Variants in KCNH7 observed in about 807,000 individuals in gnomAD.
KCNH7 encodes potassium voltage-gated channel subfamily H member 7, also known as voltage-gated inwardly rectifying potassium channel KCNH7.
KCNH7 carries 49 observed loss-of-function variants against 120.8 expected under a neutral mutation model. The ratio of observed to expected loss-of-function variants is 0.41; its 90% confidence interval spans 0.32 to 0.51. KCNH7 has a LOEUF of 0.51. Ranked by LOEUF, KCNH7 falls within the 20% of genes least tolerant of loss-of-function variation. KCNH7 has a pLI of 0.38. For missense variants in KCNH7, 1,097 were observed against 1,446.6 expected (o/e 0.76, Z 3.92); for synonymous variants, 547 against 516.1 (o/e 1.06, Z -0.81).
chr2:162,425,933 G>A (rs1211113320), intron 8 of KCNH7, among the ~76,000 whole-genome samples: 2 of 152,086 alleles, frequency 1.3e-5, no homozygotes, highest in Non-Finnish European at 2.9e-5. Context: ...CTAATTTATG[G>A]TCAGGCGCGG....
chr2:162,613,709 T>C (rs1023033500), intron 2 of KCNH7, among the ~76,000 whole-genome samples: 3 of 152,018 alleles, frequency 2.0e-5, no homozygotes, highest in Admixed American at 6.6e-5. Flanking sequence ...GATTAAAATT[T>C]AGATAATCCG....
intron 14 of KCNH7, among the ~76,000 whole-genome samples, chr2:162,376,596 T>C (rs1188597643): frequency 6.6e-6 from 1 of 152,074 alleles, no homozygotes; most frequent in Admixed American, 6.6e-5. Flanking sequence ...ACTCCTGACC[T>C]TGTGATCTAC....
intron 2 of KCNH7, among the ~76,000 whole-genome samples, chr2:162,541,254 A>T (rs1692292696): frequency 6.6e-6 from 1 of 152,134 alleles, no homozygotes; most frequent in African/African-American, 2.4e-5. Context: ...TGGATTACGT[A>T]TAAGGACTGG....
intron 6 of KCNH7, among the ~76,000 whole-genome samples, chr2:162,491,105 C>A (rs1342403833): frequency 6.6e-6 from 1 of 152,196 alleles, no homozygotes. Context: ...CCTCATGCAG[C>A]CTGTTGGCCA....
chr2:162,534,723 C>T (rs997860479), intron 3 of KCNH7, among the ~76,000 whole-genome samples: 8 of 151,476 alleles, frequency 5.3e-5, no homozygotes, highest in African/African-American at 1.7e-4. Context: ...CAATAGCATA[C>T]AAAAAGGAGA....
At chr2:162,821,531 A>T (rs529464954) in intron 2 of KCNH7, among the ~76,000 whole-genome samples, 8 of 152,022 alleles carry the variant, frequency 5.3e-5, no homozygotes, top group African/African-American at 1.9e-4. Context: ...GTTCATGAAA[A>T]CTCTGTACTG....
chr2:162,477,128 A>G (rs1689771690), intron 6 of KCNH7, among the ~76,000 whole-genome samples: 1 of 152,252 alleles, frequency 6.6e-6, no homozygotes, highest in Non-Finnish European at 1.5e-5. Flanking sequence ...AAAGAGAAGT[A>G]TAAAATTCTT....
intron 6 of KCNH7, among the ~76,000 whole-genome samples, chr2:162,492,062 C>T (rs981570704): frequency 8.5e-5 from 13 of 152,134 alleles, no homozygotes; most frequent in African/African-American, 1.4e-4. Flanking sequence ...TGACATGCCC[C>T]GAAAAGGGCA....
At position 162,838,650 on chromosome 2, in the gene KCNH7, C is replaced by A. The variant is rs1349344694; in HGVS notation, c.-132G>T. 1.5e-6 allele frequency: 1 copy of A among 661,374 alleles called. No individual in the cohort carries two copies. The highest frequency in any genetic ancestry group is 1.8e-5 in the South Asian group (1 of 54,150). 41.0% of individuals were successfully genotyped at this position (661,374 alleles called of 1,614,324 possible). A position where few individuals can be genotyped will look rare whatever the true frequency, so the allele number is the denominator to read the frequency against. ...AGCATCCTCTTTTGAAACCAGAATT[C>A]TCTTCCCATTAGCACCACTTCTAGA... On this transcript the variant is annotated 5_prime_UTR_variant, in exon 1 of 16. It introduces an in-frame stop codon into an upstream open reading frame of the 5' UTR. Coordinates refer to ENST00000332142, the MANE Select transcript of KCNH7 (RefSeq NM_033272.4).
intron 2 of KCNH7, among the ~76,000 whole-genome samples, chr2:162,735,716 A>T (rs926466885): frequency 6.6e-6 from 1 of 152,058 alleles, no homozygotes; most frequent in Non-Finnish European, 1.5e-5. Context: ...AAAAAGCCTA[A>T]TCTCCAAATT....
chr2:162,683,343 G>A (rs1030218241), intron 2 of KCNH7, among the ~76,000 whole-genome samples: 1 of 151,774 alleles, frequency 6.6e-6, no homozygotes, highest in Non-Finnish European at 1.5e-5. Context: ...AATATATTTA[G>A]ATCTATGAGT....
intron 2 of KCNH7, among the ~76,000 whole-genome samples, chr2:162,758,783 C>G (rs1035622601): frequency 6.6e-6 from 1 of 152,040 alleles, no homozygotes; most frequent in Non-Finnish European, 1.5e-5. Flanking sequence ...TCAATTTACA[C>G]AAGTTTCAAT....
intron 2 of KCNH7, among the ~76,000 whole-genome samples, chr2:162,603,437 T>C (rs2105956827): frequency 6.6e-6 from 1 of 152,260 alleles, no homozygotes; most frequent in Non-Finnish European, 1.5e-5. Flanking sequence ...TTTTATTATA[T>C]GGCAAAGCAT....
intron 2 of KCNH7, among the ~76,000 whole-genome samples, chr2:162,818,014 T>C (rs1559148079): frequency 6.6e-6 from 1 of 152,088 alleles, no homozygotes; most frequent in Non-Finnish European, 1.5e-5. Flanking sequence ...TCTGTCAGTC[T>C]GTATCAGTTT....
chr2:162,414,005 T>C (rs1467594385), intron 9 of KCNH7, among the ~76,000 whole-genome samples: 1 of 151,966 alleles, frequency 6.6e-6, no homozygotes, highest in East Asian at 1.9e-4. Context: ...TGTATGTATA[T>C]ATGAATGAAT....
Position 162,518,039 on chromosome 2 carries a change from C to G in KCNH7, c.583G>C (p.Val195Leu). Residue 195 changes from valine to leucine, a missense_variant, in exon 4 of 16, where the codon GTA becomes CTA. Physicochemically the swap from Val to Leu is conservative, Grantham distance 32 (BLOSUM62 1). Coordinates refer to ENST00000332142, the MANE Select transcript of KCNH7 (RefSeq NM_033272.4). Reference sequence around the variant, plus strand: ...GGAGACTTAAAATGCTTCATGGCTACTGAATCATCACTGTGTTTAGATGAA... The same window carrying G: ...GGAGACTTAAAATGCTTCATGGCTAGTGAATCATCACTGTGTTTAGATGAA... ...IDSSKHSDDSVAMKHFKSPTK... is the reference protein window; with the variant it reads ...IDSSKHSDDSLAMKHFKSPTK... The G allele has an allele frequency of 6.2e-7, 1 of 1,612,438 alleles. No individual in the cohort carries two copies. The highest frequency in any genetic ancestry group is 8.5e-7 in the Non-Finnish European group (1 of 1,178,900).
chr2:162,646,846 G>C (rs1559062107), intron 2 of KCNH7, among the ~76,000 whole-genome samples: 2 of 152,200 alleles, frequency 1.3e-5, no homozygotes, highest in Non-Finnish European at 2.9e-5. Flanking sequence ...CTCCAGGAAA[G>C]AGCCCAGGCT....
intron 2 of KCNH7, among the ~76,000 whole-genome samples, chr2:162,798,878 C>T (rs1684240924): frequency 6.6e-6 from 1 of 151,932 alleles, no homozygotes; most frequent in African/African-American, 2.4e-5. Context: ...AAAGAGTTCC[C>T]AATTCAATAA....
intron 2 of KCNH7, among the ~76,000 whole-genome samples, chr2:162,772,529 T>TCAG (rs762701627): frequency 0.03 from 4,578 of 152,292 alleles, 102 homozygotes; most frequent in Non-Finnish European, 0.04. Flanking sequence ...GTTGGAGTAT[T>TCAG]TATTGAATCT....
Sources: gnomAD v4.1 joint callset for allele counts (sites outside exome capture counted in the v4.1 genomes callset) on GRCh38, gnomAD v4.1.1 for gene constraint, MANE v1.5 for transcripts, NCBI Gene and HGNC (gene_info 2026-07-23, HGNC 2026-07-21) for gene names.